Variants in SSR1 observed in about 807,000 individuals in gnomAD.
The protein encoded by SSR1 is signal sequence receptor subunit 1.
SSR1 carries 13 observed loss-of-function variants against 36.1 expected under a neutral mutation model. That is an observed-to-expected ratio of 0.36 (90% CI 0.23 to 0.57). The LOEUF (loss-of-function observed/expected upper bound fraction) is 0.57. Among genes scored for constraint, SSR1 ranks in the 20% least tolerant of loss-of-function variants. SSR1 has a pLI of 0.81. For synonymous variants in SSR1, 113 were observed against 118.9 expected (o/e 0.95, Z 0.32); for missense variants, 291 against 338.5 (o/e 0.86, Z 1.10).
chr6:7,301,274 CTAACTT>C, intron 4 of SSR1, 30 bp downstream of exon 4: 1 of 1,602,562 alleles, frequency 6.2e-7, no homozygotes, highest in Middle Eastern at 1.7e-4. Context: ...CCATCCATCT[CTAACTT>C]AAACAAAAAG....
In SSR1 at chr6:7,288,390, CT is replaced by C. The variant is rs1262385462; in HGVS notation, c.*1473del. On this transcript the variant is annotated 3_prime_UTR_variant, in exon 8 of 8. Transcript: ENST00000244763. ...GCCAATATAGGTAATTTGATAGCCC[CT>C]ATTTGCAAAGTGATTAACAATTATA... 1.3e-5 allele frequency: 2 copies of C among 152,154 alleles called. No individual in the cohort carries two copies. The highest frequency in any genetic ancestry group is 2.9e-5 in the Non-Finnish European group (2 of 68,008). 9.4% of individuals were successfully genotyped at this position (152,154 alleles called of 1,614,324 possible).
At chr6:7,309,713 C>T (rs377730453) in intron 2 of SSR1, among the ~76,000 whole-genome samples, 1 of 152,176 alleles carries the variant, frequency 6.6e-6, no homozygotes, top group Non-Finnish European at 1.5e-5. Flanking sequence ...TTGCTGTCAC[C>T]TTGTGAAGAA....
chr6:7,306,883 C>G lies in SSR1; in HGVS notation c.192+3034G>C, dbSNP rs1036415890. On this transcript the variant is annotated intron_variant, in intron 2 of 7. Transcript: ENST00000244763. ...GTGAGCGGAGATCCACGCCACTGCA[C>G]TCCAGCCTGGGCGACAGAGCGAGAC... 6.2e-5 allele frequency among the ~76,000 whole-genome samples: 9 copies of G among 146,254 alleles called. No individual in the cohort carries two copies. In the East Asian group the frequency reaches 6.3e-4, roughly 10 times the overall value.
rs1757421970 is a variant in SSR1 at position 7,281,684 on chromosome 6, ACAAAACAC to A, written c.*8172_*8179del. 6.6e-6 allele frequency: 1 copy of A among 152,238 alleles called. No individual in the cohort carries two copies. Among genetic ancestry groups the A allele is most frequent in the Non-Finnish European group, 1.5e-5 (1 of 68,036 alleles). The allele number at this position is 152,238 out of a possible 1,614,324, so 9.4% of individuals were successfully genotyped here. A position where few individuals can be genotyped will look rare whatever the true frequency, so the allele number is the denominator to read the frequency against. ...GAAGTCACTTATTAAATACCTGTGT[ACAAAACAC>A]CATACTTGGGGCTATATGCGATTTC... On this transcript the variant is annotated 3_prime_UTR_variant, in exon 8 of 8. Coordinates refer to ENST00000244763, the MANE Select transcript of SSR1 (RefSeq NM_003144.5).
At chr6:7,300,544 G>T (rs1466810415) in intron 4 of SSR1, among the ~76,000 whole-genome samples, 1 of 152,106 alleles carries the variant, frequency 6.6e-6, no homozygotes, top group East Asian at 1.9e-4. Flanking sequence ...TAAAATGATG[G>T]GAAAACAATT....
chr6:7,308,924 G>GCA (rs1758126743), intron 2 of SSR1, among the ~76,000 whole-genome samples: 1 of 152,176 alleles, frequency 6.6e-6, no homozygotes, highest in South Asian at 2.1e-4. Flanking sequence ...AGAAAAGGAA[G>GCA]CAGCAGGTAT....
chr6:7,303,138 T>TTAAA (rs1554133492), intron 3 of SSR1, among the ~76,000 whole-genome samples: 2 of 42,918 alleles, frequency 4.7e-5, no homozygotes, highest in African/African-American at 1.1e-4. Flanking sequence ...GACTACATCT[T>TTAAA]AAAAAAAAAA....
intron 2 of SSR1, among the ~76,000 whole-genome samples, chr6:7,308,441 A>G (rs1338009426): frequency 6.6e-6 from 1 of 152,224 alleles, no homozygotes; most frequent in Non-Finnish European, 1.5e-5. Context: ...TTAATTTTGA[A>G]GGAAATGACA....
Position 7,301,298 on chromosome 6 carries a change from A to G in SSR1, c.543+12T>C, listed in dbSNP as rs1411532096. 3.7e-6 allele frequency: 6 copies of G among 1,612,462 alleles called. No homozygotes were observed. The highest frequency in any genetic ancestry group is 5.1e-6 in the Non-Finnish European group (6 of 1,179,394). On this transcript the variant is annotated intron_variant, in intron 4 of 7. Coordinates refer to ENST00000244763, the MANE Select transcript of SSR1 (RefSeq NM_003144.5). Reference sequence around the variant, plus strand: ...TCTAACTTAAACAAAAAGAAGGTTTAGAGGATCTTACGTTCAAATCTTTGT... The same window carrying G: ...TCTAACTTAAACAAAAAGAAGGTTTGGAGGATCTTACGTTCAAATCTTTGT...
At chr6:7,297,519 A>T (rs1757827673) in intron 6 of SSR1, among the ~76,000 whole-genome samples, 1 of 152,070 alleles carries the variant, frequency 6.6e-6, no homozygotes, top group Admixed American at 6.6e-5. Flanking sequence ...CGAGTTCAGG[A>T]GTTTGAGACC....
At chr6:7,295,083 C>T (rs2113279502) in intron 7 of SSR1, 1 of 1,514,190 alleles carries the variant, frequency 6.6e-7, no homozygotes, top group South Asian at 1.3e-5. Context: ...AATTAAATGC[C>T]TCACCTCTTC....
chr6:7,309,538 C>T (rs894915914), intron 2 of SSR1, among the ~76,000 whole-genome samples: 3 of 152,246 alleles, frequency 2.0e-5, no homozygotes, highest in African/African-American at 4.8e-5. Flanking sequence ...CAAATCTCAT[C>T]TTGAAGTGTA....
At chr6:7,304,053 T>A (rs917592645) in intron 2 of SSR1, among the ~76,000 whole-genome samples, 2 of 152,244 alleles carry the variant, frequency 1.3e-5, no homozygotes, top group African/African-American at 4.8e-5. Flanking sequence ...AATTTCATCA[T>A]ACCTCATTAA....
rs1375463472 is a variant in SSR1 at position 7,295,476 on chromosome 6, G to T, written c.709C>A (p.Pro237Thr). Residue 237 changes from proline to threonine, a missense_variant, in exon 7 of 8, where the codon CCC becomes ACC. Pro to Thr is a conservative substitution (Grantham distance 38). Coordinates refer to ENST00000244763, the MANE Select transcript of SSR1 (RefSeq NM_003144.5). ...GTACCCATTTCTACTTTCTGTATGGGTCTCTTACGCTAAAAGAACATAAAG... is the reference window on the plus strand; with the variant it reads ...GTACCCATTTCTACTTTCTGTATGGTTCTCTTACGCTAAAAGAACATAAAG... ...QLLESRKRKR[P>T]IQKVEMGTSS... is the part of the protein sequence containing the mutation. The T allele has an allele frequency of 2.5e-6, 4 of 1,599,926 alleles. No individual in the cohort carries two copies. Among genetic ancestry groups the T allele is most frequent in the Admixed American group, 3.5e-5 (2 of 57,400 alleles).
In SSR1 at chr6:7,289,263, C is replaced by T. The variant is rs928873872; in HGVS notation, c.*601G>A. ...TTGTTGCCAGAGAGATCCCCAAATT[C>T]CTTGAAGCCACTGGGAAGTTTTCTG... On this transcript the variant is annotated 3_prime_UTR_variant, in exon 8 of 8. Transcript: ENST00000244763. 4 of 152,322 alleles carry T rather than the reference C, an allele frequency of 2.6e-5. No homozygotes were observed. In the East Asian group the frequency reaches 7.7e-4, roughly 29 times the overall value. The allele number at this position is 152,322 out of a possible 1,614,324, so 9.4% of individuals were successfully genotyped here.
intron 7 of SSR1, chr6:7,295,047 A>G (rs973303460): frequency 2.7e-6 from 4 of 1,485,934 alleles, no homozygotes; most frequent in Admixed American, 5.1e-5. Flanking sequence ...GAGAGCCCCC[A>G]ATTCTCTAGC....
chr6:7,301,912 T>C (rs1318180929), intron 3 of SSR1, among the ~76,000 whole-genome samples: 1 of 152,176 alleles, frequency 6.6e-6, no homozygotes, highest in Non-Finnish European at 1.5e-5. Flanking sequence ...GAAGTCACCT[T>C]CACCTCCAGC....
At chr6:7,293,853 A>G (rs1757735002) in intron 7 of SSR1, among the ~76,000 whole-genome samples, 4 of 152,248 alleles carry the variant, frequency 2.6e-5, no homozygotes, top group Admixed American at 2.0e-4. Context: ...TCAACTATGA[A>G]TATGTATAAA....
intron 2 of SSR1, among the ~76,000 whole-genome samples, chr6:7,307,118 C>G (rs1473996669): frequency 2.0e-5 from 3 of 152,122 alleles, no homozygotes; most frequent in African/African-American, 7.2e-5. Flanking sequence ...TCCCTTGATG[C>G]CTTGGCAGCT....
Sources: gnomAD v4.1 joint callset for allele counts (sites outside exome capture counted in the v4.1 genomes callset) on GRCh38, gnomAD v4.1.1 for gene constraint, MANE v1.5 for transcripts, NCBI Gene and HGNC (gene_info 2026-07-23, HGNC 2026-07-21) for gene names.